PLCG2: variants seen among roughly 807,000 people sequenced by gnomAD.
The protein encoded by PLCG2 is phospholipase C gamma 2, also known as 1-phosphatidylinositol 4,5-bisphosphate phosphodiesterase gamma-2.
In PLCG2, 69 loss-of-function variants were observed where a neutral mutation model predicts 175.6. The ratio of observed to expected loss-of-function variants is 0.39; its 90% confidence interval spans 0.32 to 0.48. The LOEUF (loss-of-function observed/expected upper bound fraction) is 0.48. PLCG2 is among the 20% of genes least tolerant of loss of function. The pLI is 0.91. For missense variants in PLCG2, 1,798 were observed against 1,650.9 expected (o/e 1.09, Z -1.54); for synonymous variants, 827 against 624.0 (o/e 1.33, Z -4.85).
intron 7 of PLCG2, among the ~76,000 whole-genome samples, chr16:81,873,757 T>C (rs9924101): frequency 0.55 from 83,495 of 151,918 alleles, 23,535 homozygotes; most frequent in Middle Eastern, 0.63. Context: ...TAGTGAGACC[T>C]AGTCTGTATT....
intron 2 of PLCG2, among the ~76,000 whole-genome samples, chr16:81,770,756 T>C (rs1203830735): frequency 1.3e-5 from 2 of 152,034 alleles, no homozygotes; most frequent in East Asian, 3.9e-4. Context: ...AGGTATAACG[T>C]GCATAAAATG....
intron 2 of PLCG2, among the ~76,000 whole-genome samples, chr16:81,815,374 C>G (rs1458412880): frequency 2.0e-5 from 3 of 152,178 alleles, no homozygotes; most frequent in Non-Finnish European, 4.4e-5. Context: ...AGCTGAGCCT[C>G]TGATTCCCAG....
intron 13 of PLCG2, among the ~76,000 whole-genome samples, chr16:81,896,239 G>T (rs1347763615): frequency 1.3e-5 from 2 of 152,158 alleles, no homozygotes; most frequent in Non-Finnish European, 2.9e-5. Flanking sequence ...CCCCGAAAGA[G>T]AGGGAAAGGC....
chr16:81,777,441 A>G (rs1910442537), upstream of PLCG2, among the ~76,000 whole-genome samples: 1 of 151,320 alleles, frequency 6.6e-6, no homozygotes, highest in East Asian at 1.9e-4. Context: ...AAGTTCTAAA[A>G]AAAAAAAAAA....
chr16:81,936,015 C>G, intron 26 of PLCG2, 154 bp from the exon 27 acceptor site: 2 of 985,330 alleles, frequency 2.0e-6, no homozygotes, highest in South Asian at 4.7e-5. Context: ...CACAGTGATA[C>G]CAATTGGGAC....
At chr16:81,883,573 C>G in intron 9 of PLCG2, 1 of 579,902 alleles carries the variant, frequency 1.7e-6, no homozygotes, top group South Asian at 2.0e-5. Context: ...TGTCGGGCCT[C>G]TTTTGAAGGC....
At chr16:81,879,640 G>A (rs1246540073) in intron 7 of PLCG2, among the ~76,000 whole-genome samples, 3 of 152,280 alleles carry the variant, frequency 2.0e-5, no homozygotes, top group Admixed American at 1.3e-4. Flanking sequence ...TATGTCGTTA[G>A]CATTGATCAT....
intron 4 of PLCG2, among the ~76,000 whole-genome samples, 196 bp downstream of exon 4, chr16:81,858,552 G>C (rs1029314401): frequency 7.2e-5 from 11 of 152,166 alleles, no homozygotes. Context: ...ATTTCCCTGT[G>C]CTAGTTTTCA....
Position 81,910,504 on chromosome 16 carries a change from C to A in PLCG2, c.1734-16C>A. 6.2e-7 allele frequency: 1 copy of A among 1,612,196 alleles called. No individual in the cohort carries two copies. The highest frequency in any genetic ancestry group is 8.5e-7 in the Non-Finnish European group (1 of 1,179,028). ...GCCTGCGTTCTCCCAGCACTGATGG[C>A]GTCCTCTCCCCGCAGGCGGTCAGGC... On this transcript the variant is annotated splice_polypyrimidine_tract_variant and intron_variant, in intron 17 of 32. Coordinates refer to ENST00000564138, the MANE Select transcript of PLCG2 (RefSeq NM_002661.5).
chr16:81,739,784 T>A (rs1909543790), intron 1 of PLCG2: 1 of 152,144 alleles, frequency 6.6e-6, no homozygotes, highest in Non-Finnish European at 1.5e-5. Context: ...ATGGGCATGA[T>A]GAAATGACAC....
At chr16:81,858,115 G>A in intron 3 of PLCG2, 148 bp from the exon 4 acceptor site, 1 of 655,698 alleles carries the variant, frequency 1.5e-6, no homozygotes, top group East Asian at 2.5e-5. Context: ...CCATGACGGT[G>A]TGAAAGGGGA....
chr16:81,940,457 T>TGC (rs147564956), intron 30 of PLCG2, among the ~76,000 whole-genome samples: 5 of 151,532 alleles, frequency 3.3e-5, no homozygotes, highest in Non-Finnish European at 1.5e-5. Flanking sequence ...TTTGGCATCT[T>TGC]GGGGGGGGAG....
rs2143705976 is a variant in PLCG2 at position 81,928,705 on chromosome 16, G to A, written c.2581+81G>A. 24 of 924,256 alleles carry A rather than the reference G, an allele frequency of 2.6e-5. 1 individual carries two copies. In the South Asian group the frequency reaches 3.1e-4, roughly 12 times the overall value. The allele number at this position is 924,256 out of a possible 1,614,324, so 57.3% of individuals were successfully genotyped here. On this transcript the variant is annotated intron_variant, in intron 24 of 32. Transcript: ENST00000564138. ...CCTCAGCCCCGCCCTACACAGGGAG[G>A]TGGCTGACACAGGGTCCTGTCTTGA...
intron 1 of PLCG2, among the ~76,000 whole-genome samples, chr16:81,781,400 G>A (rs1468619984): frequency 7.7e-6 from 1 of 129,682 alleles, no homozygotes; most frequent in East Asian, 2.4e-4. Context: ...ACATTGATGA[G>A]CAGTTGTTTT....
intron 2 of PLCG2, among the ~76,000 whole-genome samples, chr16:81,823,113 T>G (rs1049896907): frequency 2.6e-5 from 4 of 152,268 alleles, no homozygotes; most frequent in African/African-American, 9.6e-5. Flanking sequence ...ATGTTGGCTG[T>G]GGTTTCACAG....
At position 81,911,206 on chromosome 16, in the gene PLCG2, C is replaced by T. The variant is rs184968819; in HGVS notation, c.1934+486C>T. Among the ~76,000 whole-genome samples the T allele has an allele frequency of 7.7e-4, 117 of 152,174 alleles. 1 individual carries two copies. In the East Asian group the frequency reaches 0.016, roughly 21 times the overall value. ...AGAAAGCTGCAAAAATGTCCATTTC[C>T]GAGGAGGCCGTATTACTTATAGCAA... is the stretch of plus-strand genomic sequence containing the variant. On this transcript the variant is annotated intron_variant, in intron 18 of 32. Transcript: ENST00000564138.
In PLCG2 at chr16:81,937,806, C is replaced by T. The variant is rs563473638; in HGVS notation, c.3101C>T (p.Thr1034Met). The change falls in exon 28 of 33, where the codon ACG becomes ATG. Residue 1034 changes from threonine (T) to methionine (M), a missense_variant. Thr to Met is a moderately conservative substitution (Grantham distance 81, BLOSUM62 -1). Transcript: ENST00000564138. ...GCATTGTTTTCTCTCAATGGGCGCA[C>T]GGGCTACGTTCTGCAGCCTGAGAGC... ...NHALFSLNGR[T>M]GYVLQPESMR... The T allele has an allele frequency of 1.3e-5, 21 of 1,613,820 alleles. No homozygotes were observed. In the East Asian group the frequency reaches 1.3e-4, roughly 10 times the overall value.
rs115424998 is a variant in PLCG2 at position 81,960,618 on chromosome 16, G to C, written c.*2620G>C. ...GTAGAGGGTCTTGTTTTCCAAATTC[G>C]ATCTCAGAATCTTTTTGCCAGAAGT... On this transcript the variant is annotated 3_prime_UTR_variant, in exon 33 of 33. Transcript: ENST00000564138. 4.3e-6 allele frequency: 1 copy of C among 231,044 alleles called. No homozygotes were observed. The highest frequency in any genetic ancestry group is 8.6e-6 in the Non-Finnish European group (1 of 116,658). 14.3% of individuals were successfully genotyped at this position (231,044 alleles called of 1,614,324 possible).
At chr16:81,812,092 C>G (rs1348935179) in intron 2 of PLCG2, among the ~76,000 whole-genome samples, 3 of 141,784 alleles carry the variant, frequency 2.1e-5, no homozygotes, top group Non-Finnish European at 1.5e-5. Context: ...CTCTTTTGCC[C>G]AGGCTGGACT....
Sources: gnomAD v4.1 joint callset for allele counts (sites outside exome capture counted in the v4.1 genomes callset) on GRCh38, gnomAD v4.1.1 for gene constraint, MANE v1.5 for transcripts, NCBI Gene and HGNC (gene_info 2026-07-23, HGNC 2026-07-21) for gene names.